The following GDPD4 variants were observed in gnomAD, a reference collection of about 807,000 sequenced individuals.
The protein encoded by GDPD4 is glycerophosphodiester phosphodiesterase domain containing 4, also known as glycerophosphodiester phosphodiesterase 6.
GDPD4 carries 60 observed loss-of-function variants against 67.8 expected under a neutral mutation model. The ratio of observed to expected loss-of-function variants is 0.88; its 90% CI spans 0.72 to 1.10. The LOEUF (loss-of-function observed/expected upper bound fraction) is 1.10, where lower values mean the gene tolerates loss of function less well. Among genes scored for constraint, GDPD4 ranks in the 50% least tolerant of loss-of-function variants. The probability of loss-of-function intolerance (pLI) is 0.00; values close to 1 mark genes in which losing one functional copy is unlikely to be tolerated. For missense variants in GDPD4, 623 were observed against 613.9 expected (o/e 1.01, Z -0.16); for synonymous variants, 212 against 210.9 (o/e 1.00, Z -0.04).
intron 10 of GDPD4, among the ~76,000 whole-genome samples, chr11:77,258,893 T>G (rs1959055949): frequency 6.6e-6 from 1 of 152,242 alleles, no homozygotes; most frequent in South Asian, 2.1e-4. Flanking sequence ...AGGACCATAC[T>G]AAGCAGGTGT....
At chr11:77,258,354 G>A (rs539676416) in intron 11 of GDPD4, 32 bp downstream of exon 11, 2 of 1,606,188 alleles carry the variant, frequency 1.2e-6, no homozygotes, top group Admixed American at 3.3e-5. Flanking sequence ...AAAATTCAAT[G>A]CAGGTTTGTG....
intron 7 of GDPD4, 83 bp from the exon 8 acceptor site, chr11:77,270,043 C>A: frequency 1.5e-6 from 1 of 671,194 alleles, no homozygotes; most frequent in Non-Finnish European, 2.6e-6. Flanking sequence ...CTAAAATTTA[C>A]CCTCCACACA....
At chr11:77,276,340 A>C (rs1163576292) in intron 4 of GDPD4, 120 bp from the exon 5 acceptor site, 4 of 761,450 alleles carry the variant, frequency 5.3e-6, no homozygotes, top group Non-Finnish European at 9.2e-6. Flanking sequence ...TTCTTGCTAT[A>C]CCTGTACTTT....
chr11:77,237,238 C>T (rs1025806337), intron 13 of GDPD4, among the ~76,000 whole-genome samples: 1 of 152,242 alleles, frequency 6.6e-6, no homozygotes, highest in Non-Finnish European at 1.5e-5. Flanking sequence ...AATAAAGATA[C>T]CTGCACAGCC....
chr11:77,231,215 T>A (rs1358711010), intron 14 of GDPD4, among the ~76,000 whole-genome samples: 2 of 152,204 alleles, frequency 1.3e-5, no homozygotes, highest in Admixed American at 1.3e-4. Context: ...TTTAAATGAT[T>A]CCTCACTTTA....
intron 1 of GDPD4, among the ~76,000 whole-genome samples, chr11:77,295,842 G>A (rs554105385): frequency 2.4e-4 from 37 of 152,214 alleles, no homozygotes; most frequent in Non-Finnish European, 4.0e-4. Context: ...CACAGATTGG[G>A]AGAAAAACTG....
intron 3 of GDPD4, among the ~76,000 whole-genome samples, chr11:77,281,694 A>G (rs1959760456): frequency 6.6e-6 from 1 of 152,182 alleles, no homozygotes; most frequent in Admixed American, 6.5e-5. Context: ...AATCTCGTAA[A>G]CACAACACAC....
chr11:77,272,775 CAA>C (rs879912835), intron 5 of GDPD4, among the ~76,000 whole-genome samples: 1 of 127,462 alleles, frequency 7.8e-6, no homozygotes, highest in Non-Finnish European at 1.7e-5. Context: ...GACTCTGCCT[CAA>C]AAAAAAAAAA....
At chr11:77,290,875 TAAAG>T (rs1937748734) in intron 1 of GDPD4, among the ~76,000 whole-genome samples, 2 of 151,964 alleles carry the variant, frequency 1.3e-5, no homozygotes, top group South Asian at 4.1e-4. Flanking sequence ...AGACAAAAAA[TAAAG>T]AAGCTGGCAA....
At chr11:77,264,472 AAAG>A (rs1299539381) in intron 10 of GDPD4, among the ~76,000 whole-genome samples, 5 of 152,156 alleles carry the variant, frequency 3.3e-5, no homozygotes, top group African/African-American at 1.2e-4. Context: ...GGAGCCAGCA[AAAG>A]AAGTCACATA....
intron 1 of GDPD4, among the ~76,000 whole-genome samples, chr11:77,292,911 T>C (rs1937829492): frequency 6.6e-6 from 1 of 152,024 alleles, no homozygotes; most frequent in Non-Finnish European, 1.5e-5. Flanking sequence ...AATAGAAAAC[T>C]TGAATAGCCC....
At chr11:77,233,251 T>C in intron 13 of GDPD4, 79 bp from the exon 14 acceptor site, 1 of 1,411,986 alleles carries the variant, frequency 7.1e-7, no homozygotes, top group East Asian at 2.3e-5. Context: ...GCCACCATGT[T>C]TGTGAAAGGC....
rs1371901476 is a variant in GDPD4 at position 77,216,659 on chromosome 11, G to A, written c.*618C>T. 6.1e-6 allele frequency: 3 copies of A among 494,004 alleles called. No individual in the cohort carries two copies. The East Asian group carries it at 1.1e-4, about 18-fold the overall frequency. 30.6% of individuals were successfully genotyped at this position (494,004 alleles called of 1,614,324 possible). On this transcript the variant is annotated 3_prime_UTR_variant, in exon 17 of 17. Transcript: ENST00000315938. ...TAAACCTGACAGCAACCAGTTCCAA[G>A]ACCACACACAGCAGTTTTCCCCTTG...
At chr11:77,229,335 G>C in intron 14 of GDPD4, 103 bp from the exon 15 acceptor site, 1 of 670,744 alleles carries the variant, frequency 1.5e-6, no homozygotes, top group Non-Finnish European at 2.6e-6. Flanking sequence ...AGGAGGAGAG[G>C]AAGAGGGGAT....
chr11:77,243,753 A>C lies in GDPD4; in HGVS notation c.1182T>G (p.Ala394=), dbSNP rs759903651. The C allele has an allele frequency of 1.9e-6, 3 of 1,612,546 alleles. No individual in the cohort carries two copies. The East Asian group carries it at 6.7e-5, about 36-fold the overall frequency. ...CATTTATTATACTGATATTGTTTTT[A>C]GCAAGGGTTTCAATGGATACTAAAC... is the stretch of plus-strand genomic sequence containing the variant. ...VGRLVSIETL[A]KNNISIINVD... The change falls in exon 13 of 17, where the codon GCT becomes GCG. Residue 394 remains alanine, a synonymous_variant. Transcript: ENST00000315938.
In GDPD4 at chr11:77,271,175, G is replaced by A. The variant is rs766605561; in HGVS notation, c.355C>T (p.Leu119Phe). The change falls in exon 7 of 17, where the codon CTT becomes TTT. Residue 119 changes from leucine to phenylalanine, a missense_variant. Leu to Phe is a conservative substitution (Grantham distance 22). Coordinates refer to ENST00000315938, the MANE Select transcript of GDPD4 (RefSeq NM_182833.3). ...HLVSITVMVI[L>F]FWPVAFYVAC... ...ACGTAGAAGGCCACAGGCCAGAAAAGGATAACCATCACAGTTATGCTGACC... is the reference window on the plus strand; with the variant it reads ...ACGTAGAAGGCCACAGGCCAGAAAAAGATAACCATCACAGTTATGCTGACC... 47 of 1,612,464 alleles carry A rather than the reference G, an allele frequency of 2.9e-5. No individual in the cohort carries two copies. Among genetic ancestry groups the A allele is most frequent in the Non-Finnish European group, 3.6e-5 (43 of 1,179,662 alleles).
intron 10 of GDPD4, among the ~76,000 whole-genome samples, chr11:77,260,746 G>T (rs549983003): frequency 1.0e-4 from 15 of 149,702 alleles, no homozygotes; most frequent in African/African-American, 3.6e-4. Context: ...TTAGAGATAA[G>T]ATATAATAAC....
intron 13 of GDPD4, among the ~76,000 whole-genome samples, chr11:77,237,563 G>T (rs189024422): frequency 6.6e-6 from 1 of 152,268 alleles, no homozygotes; most frequent in East Asian, 1.9e-4. Flanking sequence ...AATAAGTTTA[G>T]AATTTAAGCC....
chr11:77,270,254 C>T lies in GDPD4; in HGVS notation c.401-294G>A, dbSNP rs538647814. Among the ~76,000 whole-genome samples the T allele has an allele frequency of 4.6e-5, 7 of 152,284 alleles. No homozygotes were observed. The South Asian group carries it at 1.5e-3, about 32-fold the overall frequency. On this transcript the variant is annotated intron_variant, in intron 7 of 16. Transcript: ENST00000315938. Reference sequence around the variant, plus strand: ...TCTCAAAACAGTTTAGTGTACAGATCCAGTTCTTTTGATTCCATTACACTG... The same window carrying T: ...TCTCAAAACAGTTTAGTGTACAGATTCAGTTCTTTTGATTCCATTACACTG...
Sources: gnomAD v4.1 joint callset for allele counts (sites outside exome capture counted in the v4.1 genomes callset) on GRCh38, gnomAD v4.1.1 for gene constraint, MANE v1.5 for transcripts, NCBI Gene and HGNC (gene_info 2026-07-23, HGNC 2026-07-21) for gene names.